The following PPIL4 variants were observed in gnomAD, a reference collection of about 807,000 sequenced individuals.
PPIL4 encodes the protein peptidylprolyl isomerase like 4, also known as peptidyl-prolyl cis-trans isomerase-like 4.
In PPIL4, 50 loss-of-function variants were observed where a neutral mutation model predicts 69.1. That is an observed-to-expected ratio of 0.72 (90% confidence interval 0.58 to 0.92). The LOEUF is 0.92. PPIL4 is among the 40% of genes least tolerant of loss of function. The pLI is 0.00. For synonymous variants in PPIL4, 193 were observed against 191.6 expected, an observed-to-expected ratio of 1.01 and a Z score of -0.06; for missense variants, 480 against 587.9, an observed-to-expected ratio of 0.82 and a Z score of 1.90.
intron 12 of PPIL4, among the ~76,000 whole-genome samples, chr6:149,510,854 G>GT (rs1326491467): frequency 2.0e-5 from 3 of 150,770 alleles, no homozygotes; most frequent in Non-Finnish European, 3.0e-5. Context: ...TGCTTTAACA[G>GT]TTAAAAAAAA....
At chr6:149,519,134 T>C (rs1776990325) in intron 10 of PPIL4, among the ~76,000 whole-genome samples, 2 of 152,168 alleles carry the variant, frequency 1.3e-5, no homozygotes, top group Non-Finnish European at 1.5e-5. Context: ...AAGAAAGTAG[T>C]AGTATTTATT....
chr6:149,514,765 A>AGT lies in PPIL4; in HGVS notation c.1080-2465_1080-2464dup, dbSNP rs36117544. Among the ~76,000 whole-genome samples the AGT allele has an allele frequency of 1.7e-3, 258 of 149,446 alleles. 1 individual carries two copies. Among genetic ancestry groups the AGT allele is most frequent in the East Asian group, 5.3e-3 (27 of 5,132 alleles). On this transcript the variant is annotated intron_variant, in intron 11 of 12. Transcript: ENST00000253329. ...TTTATTTTATTAATCTTTTGGTTCAAGTGTGTGTGTGTGTGTGTGTGTGTG... is the reference window on the plus strand; with the variant it reads ...TTTATTTTATTAATCTTTTGGTTCAAGTGTGTGTGTGTGTGTGTGTGTGTGTG...
intron 8 of PPIL4, 119 bp from the exon 9 acceptor site, chr6:149,525,328 AG>A (rs1777091282): frequency 1.8e-6 from 1 of 548,492 alleles, no homozygotes; most frequent in African/African-American, 1.9e-5. Context: ...TTAAATTCAT[AG>A]ATTATTTTTC....
chr6:149,520,903 C>T (rs576731479), intron 10 of PPIL4, among the ~76,000 whole-genome samples, 157 bp downstream of exon 10: 16 of 151,648 alleles, frequency 1.1e-4, no homozygotes, highest in Non-Finnish European at 2.2e-4. Flanking sequence ...ATCCCAGCTG[C>T]TTGGGAGGCT....
chr6:149,526,677 A>T lies in PPIL4; in HGVS notation c.778T>A (p.Phe260Ile), dbSNP rs751840886. The T allele has an allele frequency of 6.2e-7, 1 of 1,610,864 alleles. No individual in the cohort carries two copies. The highest frequency in any genetic ancestry group is 8.5e-7 in the Non-Finnish European group (1 of 1,177,818). The change falls in exon 8 of 13, where the codon TTC becomes ATC. Residue 260 changes from phenylalanine (F) to isoleucine (I), a missense_variant. Physicochemically the swap from Phe to Ile is conservative, Grantham distance 21. Coordinates refer to ENST00000253329, the MANE Select transcript of PPIL4 (RefSeq NM_139126.4). Reference protein sequence around the residue: ...VTTDEDLEIIFSRFGPIRSCE... With the variant: ...VTTDEDLEIIISRFGPIRSCE... ...CTTCTTATTGGCCCAAATCTAGAGA[A>T]TATTATTTCCAGATCCTCATCTGTG...
chr6:149,526,678 T>C lies in PPIL4; in HGVS notation c.777A>G (p.Ile259Met). Residue 259 changes from isoleucine to methionine, a missense_variant, in exon 8 of 13, where the codon ATA (isoleucine) becomes ATG (methionine). By Grantham distance (10) the Ile-to-Met change is conservative. Coordinates refer to ENST00000253329, the MANE Select transcript of PPIL4 (RefSeq NM_139126.4). Reference sequence around the variant, plus strand: ...TTCTTATTGGCCCAAATCTAGAGAATATTATTTCCAGATCCTCATCTGTGG... The same window carrying C: ...TTCTTATTGGCCCAAATCTAGAGAACATTATTTCCAGATCCTCATCTGTGG... Reference protein sequence around the residue: ...PVTTDEDLEIIFSRFGPIRSC... With the variant: ...PVTTDEDLEIMFSRFGPIRSC... 4 of 1,610,964 alleles carry C rather than the reference T, an allele frequency of 2.5e-6. No individual in the cohort carries two copies. Among genetic ancestry groups the C allele is most frequent in the Non-Finnish European group, 3.4e-6 (4 of 1,177,876 alleles).
At chr6:149,531,739 G>A (rs185081874) in intron 7 of PPIL4, among the ~76,000 whole-genome samples, 20 of 151,978 alleles carry the variant, frequency 1.3e-4, no homozygotes, top group Admixed American at 5.9e-4. Flanking sequence ...GCGCGATCTC[G>A]GCTCACAGCA....
chr6:149,505,346 GA>G lies in PPIL4; in HGVS notation c.*106del, dbSNP rs1237108405. The G allele has an allele frequency of 1.7e-5, 18 of 1,045,308 alleles. No individual in the cohort carries two copies. Among genetic ancestry groups the G allele is most frequent in the Non-Finnish European group, 2.5e-5 (18 of 713,950 alleles). 64.8% of individuals were successfully genotyped at this position (1,045,308 alleles called of 1,614,324 possible). A position where few individuals can be genotyped will look rare whatever the true frequency, so the allele number is the denominator to read the frequency against. ...AATCTAAAGACCATAATCCTAGTAT[GA>G]AAAAAATAACAAGCTTTGACACAAA... On this transcript the variant is annotated 3_prime_UTR_variant, in exon 13 of 13. Transcript: ENST00000253329.
At chr6:149,526,467 CGTAT>C (rs555704270) in intron 8 of PPIL4, among the ~76,000 whole-genome samples, 181 bp downstream of exon 8, 57 of 152,074 alleles carry the variant, frequency 3.7e-4, no homozygotes, top group African/African-American at 1.1e-3. Context: ...TGTGTGTGCA[CGTAT>C]GTATGTATGT....
At chr6:149,541,086 G>T (rs1017314324) in intron 3 of PPIL4, 27 bp from the exon 4 acceptor site, 5 of 1,303,704 alleles carry the variant, frequency 3.8e-6, no homozygotes, top group African/African-American at 2.9e-5. Flanking sequence ...GGTTATAAAT[G>T]TAAGTACTCT....
chr6:149,534,099 T>C (rs888885536), intron 6 of PPIL4, among the ~76,000 whole-genome samples: 1 of 151,518 alleles, frequency 6.6e-6, no homozygotes, highest in African/African-American at 2.4e-5. Context: ...GAGGCCACAA[T>C]GAGCCGAGAT....
intron 8 of PPIL4, among the ~76,000 whole-genome samples, chr6:149,525,708 C>T (rs940280889): frequency 6.6e-6 from 1 of 152,070 alleles, no homozygotes; most frequent in Non-Finnish European, 1.5e-5. Flanking sequence ...AATTACAGAA[C>T]TAATATACCA....
At chr6:149,519,645 T>C (rs914352336) in intron 10 of PPIL4, among the ~76,000 whole-genome samples, 6 of 152,148 alleles carry the variant, frequency 3.9e-5, no homozygotes, top group African/African-American at 1.4e-4. Context: ...GATCACAGCT[T>C]CCACTCAACA....
rs1777435636 is a variant in PPIL4 at position 149,545,992 on chromosome 6, A to T, written c.14T>A (p.Leu5Gln). 6.3e-7 allele frequency: 1 copy of T among 1,583,138 alleles called. No individual in the cohort carries two copies. The highest frequency in any genetic ancestry group is 8.6e-7 in the Non-Finnish European group (1 of 1,161,888). ...GACGACGTCGCCTAAAGTGGTCTCC[A>T]GTAGAACCGCCATGGCGCCCGCTCC... MAVL[L>Q]ETTLGDVVID... is the part of the protein sequence containing the mutation. Residue 5 changes from leucine (L) to glutamine (Q), a missense_variant, in exon 1 of 13, where the codon CTG becomes CAG. Leu to Gln is a moderately radical substitution (Grantham distance 113). Coordinates refer to ENST00000253329, the MANE Select transcript of PPIL4 (RefSeq NM_139126.4).
At chr6:149,528,346 G>C (rs1777141134) in intron 7 of PPIL4, among the ~76,000 whole-genome samples, 2 of 151,994 alleles carry the variant, frequency 1.3e-5, no homozygotes, top group African/African-American at 4.8e-5. Flanking sequence ...GCACAAACGA[G>C]AAAAAAAGTT....
chr6:149,509,717 A>G (rs1776815021), intron 12 of PPIL4, among the ~76,000 whole-genome samples: 1 of 152,184 alleles, frequency 6.6e-6, no homozygotes, highest in African/African-American at 2.4e-5. Flanking sequence ...CCCAGGTAAG[A>G]AGACGAGCAA....
At chr6:149,507,814 CTT>C (rs1776789110) in intron 12 of PPIL4, among the ~76,000 whole-genome samples, 1 of 152,032 alleles carries the variant, frequency 6.6e-6, no homozygotes, top group Non-Finnish European at 1.5e-5. Flanking sequence ...TTCAAATAGT[CTT>C]TGACATTTAG....
At chr6:149,527,120 A>G (rs574677184) in intron 7 of PPIL4, among the ~76,000 whole-genome samples, 1 of 152,328 alleles carries the variant, frequency 6.6e-6, no homozygotes, top group South Asian at 2.1e-4. Flanking sequence ...GCACTTTGGG[A>G]GGCCAAGGGG....
intron 5 of PPIL4, 147 bp downstream of exon 5, chr6:149,535,449 C>G (rs1474767577): frequency 2.3e-6 from 1 of 433,958 alleles, no homozygotes; most frequent in Admixed American, 4.2e-5. Context: ...TATAAAGATT[C>G]TTACAGTCTT....
Sources: allele counts gnomAD v4.1 joint callset (sites outside exome capture counted in the v4.1 genomes callset), GRCh38; gene constraint gnomAD v4.1.1; transcripts MANE v1.5; gene names NCBI Gene and HGNC (gene_info 2026-07-23, HGNC 2026-07-21).